Variants in CACNG4 observed in about 807,000 individuals in gnomAD.
CACNG4 encodes the protein calcium voltage-gated channel auxiliary subunit gamma 4, also known as voltage-dependent calcium channel gamma-4 subunit.
CACNG4 carries 8 observed loss-of-function variants against 22.9 expected under a neutral mutation model. The ratio of observed to expected loss-of-function variants is 0.35; its 90% CI spans 0.21 to 0.63. The LOEUF (loss-of-function observed/expected upper bound fraction) is 0.63, where lower values mean the gene tolerates loss of function less well. Ranked by LOEUF, CACNG4 falls within the 30% of genes least tolerant of loss-of-function variation. CACNG4 has a pLI of 0.72. For missense variants in CACNG4, 357 were observed against 455.4 expected, an observed-to-expected ratio of 0.78 and a Z score of 1.97; for synonymous variants, 188 against 191.9, an observed-to-expected ratio of 0.98 and a Z score of 0.17.
intron 1 of CACNG4, among the ~76,000 whole-genome samples, chr17:67,014,954 A>AG (rs1225031151): frequency 5.9e-5 from 9 of 151,682 alleles, no homozygotes; most frequent in Middle Eastern, 3.4e-3. Context: ...AAAAAAAAAA[A>AG]AAAAAGAAAG....
intron 1 of CACNG4, among the ~76,000 whole-genome samples, chr17:66,996,362 A>G (rs768978651): frequency 2.7e-5 from 4 of 149,778 alleles, no homozygotes; most frequent in Admixed American, 1.3e-4. Flanking sequence ...CTTTGGAGAA[A>G]GAACATCAGT....
Position 67,024,952 on chromosome 17 carries a change from C to T in CACNG4, c.397C>T (p.Arg133Cys), listed in dbSNP as rs905485925. The change falls in exon 3 of 4, where the codon CGC becomes TGC. Residue 133 changes from arginine (R) to cysteine (C), a missense_variant. Arg to Cys is a radical substitution (Grantham distance 180). This residue lies in a region of CACNG4 where 240 missense variants were observed against 277.6 expected (regional missense o/e 0.86). Transcript: ENST00000262138. ...LCIGAGRIYS[R>C]KNNIVLSAGI... Reference sequence around the variant, plus strand: ...CATCGGTGCTGGCAGGATCTACAGCCGCAAGAACAACATCGTCCTCAGTGC... The same window carrying T: ...CATCGGTGCTGGCAGGATCTACAGCTGCAAGAACAACATCGTCCTCAGTGC... 44 of 1,606,886 alleles carry T rather than the reference C, an allele frequency of 2.7e-5. No homozygotes were observed. Among genetic ancestry groups the T allele is most frequent in the Admixed American group, 3.4e-5 (2 of 59,290 alleles).
intron 3 of CACNG4, among the ~76,000 whole-genome samples, chr17:67,028,406 A>AG (rs2035581083): frequency 6.6e-6 from 1 of 152,180 alleles, no homozygotes; most frequent in African/African-American, 2.4e-5. Context: ...ACAAAGAATT[A>AG]GCTGGGCATG....
chr17:66,976,566 C>T (rs2035237736), intron 1 of CACNG4, among the ~76,000 whole-genome samples: 1 of 149,728 alleles, frequency 6.7e-6, no homozygotes, highest in African/African-American at 2.5e-5. Context: ...CCTGGTCCCT[C>T]CCTCCCTGCA....
At chr17:66,998,923 T>A (rs1449541940) in intron 1 of CACNG4, among the ~76,000 whole-genome samples, 1 of 152,074 alleles carries the variant, frequency 6.6e-6, no homozygotes, top group Non-Finnish European at 1.5e-5. Context: ...TCAAAGAACA[T>A]CCCACCATTT....
In CACNG4 at chr17:66,968,260, C is replaced by G. The variant is rs573256836; in HGVS notation, c.220+3129C>G. Among the ~76,000 whole-genome samples, 119 of 152,306 alleles carry G rather than the reference C, an allele frequency of 7.8e-4. 1 individual carries two copies. The highest frequency in any genetic ancestry group is 2.6e-3 in the African/African-American group (107 of 41,560). ...CTTCTGGGTTGCCATTAAAAATAGA[C>G]CAAGTACTTGACTACCCAGTGGAGC... On this transcript the variant is annotated intron_variant, in intron 1 of 3. Transcript: ENST00000262138.
At chr17:67,008,592 T>C (rs562280943) in intron 1 of CACNG4, among the ~76,000 whole-genome samples, 20 of 152,248 alleles carry the variant, frequency 1.3e-4, no homozygotes, top group African/African-American at 4.8e-4. Flanking sequence ...AATTGCACCC[T>C]ACCCCATCCC....
intron 1 of CACNG4, among the ~76,000 whole-genome samples, chr17:66,986,147 G>C (rs1395388085): frequency 6.6e-6 from 1 of 152,212 alleles, no homozygotes; most frequent in Non-Finnish European, 1.5e-5. Flanking sequence ...GAAACAGAAA[G>C]CCTCTTATGA....
chr17:67,012,422 T>C (rs899251385), intron 1 of CACNG4, among the ~76,000 whole-genome samples: 5 of 152,034 alleles, frequency 3.3e-5, no homozygotes, highest in Admixed American at 1.3e-4. Context: ...AGGGGGTGTA[T>C]CTTGGGTGGC....
chr17:66,996,014 A>C (rs1489385518), intron 1 of CACNG4, among the ~76,000 whole-genome samples: 2 of 152,116 alleles, frequency 1.3e-5, no homozygotes, highest in Non-Finnish European at 2.9e-5. Flanking sequence ...CCTGGTTTTG[A>C]GTGTGGCCCG....
chr17:67,010,063 C>T (rs989028734), intron 1 of CACNG4, among the ~76,000 whole-genome samples: 1 of 152,128 alleles, frequency 6.6e-6, no homozygotes, highest in Non-Finnish European at 1.5e-5. Flanking sequence ...ACCTTCACAC[C>T]TTTGCCCCGA....
chr17:66,992,166 G>A (rs1019187745), intron 1 of CACNG4, among the ~76,000 whole-genome samples: 8 of 145,310 alleles, frequency 5.5e-5, no homozygotes, highest in South Asian at 2.1e-4. Flanking sequence ...CTCCTGGGGG[G>A]GGGGGGCTGT....
chr17:66,988,545 C>G (rs867324551), intron 1 of CACNG4, among the ~76,000 whole-genome samples: 1 of 152,158 alleles, frequency 6.6e-6, no homozygotes, highest in African/African-American at 2.4e-5. Flanking sequence ...ATCCCCATCA[C>G]TTGCCCCCTC....
intron 1 of CACNG4, among the ~76,000 whole-genome samples, chr17:67,002,123 GA>G (rs2035411781): frequency 6.6e-6 from 1 of 152,192 alleles, no homozygotes; most frequent in Admixed American, 6.5e-5. Flanking sequence ...AGGTTTAATG[GA>G]CTCACAGTTC....
Position 66,988,582 on chromosome 17 carries a change from C to T in CACNG4, c.220+23451C>T, listed in dbSNP as rs1346780359. 3.3e-5 allele frequency among the ~76,000 whole-genome samples: 5 copies of T among 152,142 alleles called. No homozygotes were observed. In the East Asian group the frequency reaches 5.8e-4, roughly 18 times the overall value. On this transcript the variant is annotated intron_variant, in intron 1 of 3. Transcript: ENST00000262138. ...CCTCGCCTCACCTCAGTAATGCATCCGGCCCTTGGATCTGTCACCAGTCGG... is the reference window on the plus strand; with the variant it reads ...CCTCGCCTCACCTCAGTAATGCATCTGGCCCTTGGATCTGTCACCAGTCGG...
In CACNG4 at chr17:66,966,149, C is replaced by T. The variant is rs562996751; in HGVS notation, c.220+1018C>T. ...TACTGGGGAGGGGCCTGGATGCCTC[C>T]AACGCCAAAATGCGCTCGGCTTCGG... On this transcript the variant is annotated intron_variant, in intron 1 of 3. Transcript: ENST00000262138. Among the ~76,000 whole-genome samples, 4 of 152,320 alleles carry T rather than the reference C, an allele frequency of 2.6e-5. No homozygotes were observed. In the South Asian group the frequency reaches 8.3e-4, roughly 32 times the overall value.
At chr17:66,989,322 A>T (rs1358234272) in intron 1 of CACNG4, among the ~76,000 whole-genome samples, 1 of 151,236 alleles carries the variant, frequency 6.6e-6, no homozygotes, top group Non-Finnish European at 1.5e-5. Flanking sequence ...CTGGGTTCTT[A>T]TAAAAAAAAA....
chr17:67,002,451 G>T (rs1325970769), intron 1 of CACNG4, among the ~76,000 whole-genome samples: 1 of 152,090 alleles, frequency 6.6e-6, no homozygotes, highest in Non-Finnish European at 1.5e-5. Flanking sequence ...GTTGGAACTT[G>T]GTATCTGGCT....
intron 1 of CACNG4, among the ~76,000 whole-genome samples, chr17:66,986,697 C>T (rs1415251828): frequency 6.6e-6 from 1 of 152,228 alleles, no homozygotes; most frequent in Non-Finnish European, 1.5e-5. Context: ...GAGAATTTAG[C>T]TTCCAGTGGT....
Sources: gnomAD v4.1 joint callset for allele counts (sites outside exome capture counted in the v4.1 genomes callset) on GRCh38, gnomAD v4.1.1 for gene constraint, gnomAD v4.1.1 regional missense constraint, MANE v1.5 for transcripts, NCBI Gene and HGNC (gene_info 2026-07-23, HGNC 2026-07-21) for gene names.